The following DOK6 variants were observed in gnomAD, a reference collection of about 807,000 sequenced individuals.
DOK6 encodes docking protein 6.
DOK6 carries 22 observed loss-of-function variants against 44.0 expected under a neutral mutation model. That is an observed-to-expected ratio of 0.50 (90% CI 0.36 to 0.71). The LOEUF is 0.71. DOK6 is among the 30% of genes least tolerant of loss of function. DOK6 has a pLI of 0.00. For synonymous variants in DOK6, 166 were observed against 145.5 expected (o/e 1.14, Z -1.01); for missense variants, 340 against 416.4 (o/e 0.82, Z 1.60).
chr18:69,460,508 T>G (rs1599141876), intron 1 of DOK6, among the ~76,000 whole-genome samples: 2 of 152,214 alleles, frequency 1.3e-5, no homozygotes, highest in East Asian at 3.8e-4. Flanking sequence ...AACTGTTAGA[T>G]GAACTCAATC....
At chr18:69,753,653 G>T (rs1979257893) in intron 6 of DOK6, among the ~76,000 whole-genome samples, 1 of 152,204 alleles carries the variant, frequency 6.6e-6, no homozygotes, top group African/African-American at 2.4e-5. Context: ...AGTATATCAA[G>T]AACTGAATCA....
At chr18:69,529,361 T>C (rs192273696) in intron 1 of DOK6, among the ~76,000 whole-genome samples, 47 of 152,332 alleles carry the variant, frequency 3.1e-4, no homozygotes, top group Admixed American at 2.7e-3. Context: ...GTCAGCACTA[T>C]TTTATGTCTT....
At chr18:69,659,313 C>T (rs1985449228) in intron 3 of DOK6, among the ~76,000 whole-genome samples, 1 of 152,114 alleles carries the variant, frequency 6.6e-6, no homozygotes. Context: ...ACGTGTGCCT[C>T]CAAATGGTTC....
At chr18:69,414,271 A>C (rs941731280) in intron 1 of DOK6, among the ~76,000 whole-genome samples, 3 of 152,094 alleles carry the variant, frequency 2.0e-5, no homozygotes, top group Non-Finnish European at 4.4e-5. Context: ...TCTCACATAC[A>C]AACCTATTCA....
At chr18:69,712,455 A>G (rs373236524) in intron 5 of DOK6, among the ~76,000 whole-genome samples, 2 of 152,156 alleles carry the variant, frequency 1.3e-5, no homozygotes, top group East Asian at 3.8e-4. Flanking sequence ...TAAAATAGGA[A>G]AATACTAATT....
At chr18:69,493,705 C>A (rs1166770561) in intron 1 of DOK6, among the ~76,000 whole-genome samples, 1 of 151,980 alleles carries the variant, frequency 6.6e-6, no homozygotes, top group Non-Finnish European at 1.5e-5. Context: ...TTTGATATCT[C>A]CTAAATTGGT....
chr18:69,784,537 A>C (rs1980375294), intron 7 of DOK6, among the ~76,000 whole-genome samples: 1 of 151,898 alleles, frequency 6.6e-6, no homozygotes, highest in Non-Finnish European at 1.5e-5. Context: ...TTATTATTGC[A>C]AGTAAAATTG....
At chr18:69,647,945 G>C (rs947109988) in intron 3 of DOK6, among the ~76,000 whole-genome samples, 2 of 152,110 alleles carry the variant, frequency 1.3e-5, no homozygotes, top group Non-Finnish European at 2.9e-5. Flanking sequence ...TGCCCAGGGA[G>C]AGCCAGAATG....
intron 7 of DOK6, among the ~76,000 whole-genome samples, chr18:69,774,793 A>T (rs1327020216): frequency 6.6e-6 from 1 of 152,060 alleles, no homozygotes; most frequent in Non-Finnish European, 1.5e-5. Flanking sequence ...AATGGGGATG[A>T]GGTAAATATA....
At chr18:69,838,137 A>G (rs971015655) in intron 7 of DOK6, among the ~76,000 whole-genome samples, 1 of 151,864 alleles carries the variant, frequency 6.6e-6, no homozygotes, top group African/African-American at 2.4e-5. Flanking sequence ...TTCTTTTTTT[A>G]TATTTTTTTA....
chr18:69,625,565 C>T (rs1241313849), intron 3 of DOK6, among the ~76,000 whole-genome samples: 2 of 152,154 alleles, frequency 1.3e-5, no homozygotes, highest in Non-Finnish European at 1.5e-5. Flanking sequence ...ATGCTCACAT[C>T]GTAAGGTTCA....
chr18:69,697,911 T>A (rs1222669311), intron 4 of DOK6, among the ~76,000 whole-genome samples: 1 of 152,228 alleles, frequency 6.6e-6, no homozygotes, highest in Non-Finnish European at 1.5e-5. Context: ...AACTAAATGA[T>A]TTTTCCAGTG....
chr18:69,568,425 C>T (rs1485884358), intron 2 of DOK6, among the ~76,000 whole-genome samples: 1 of 152,148 alleles, frequency 6.6e-6, no homozygotes, highest in African/African-American at 2.4e-5. Context: ...CAAAGAAGTC[C>T]CTGGGTCTCT....
chr18:69,654,452 G>A (rs1985311547), intron 3 of DOK6, among the ~76,000 whole-genome samples: 1 of 152,172 alleles, frequency 6.6e-6, no homozygotes, highest in Admixed American at 6.5e-5. Flanking sequence ...GAGTCGGCAT[G>A]AAGTTAGGGC....
At chr18:69,638,143 C>G (rs1984852773) in intron 3 of DOK6, among the ~76,000 whole-genome samples, 1 of 152,190 alleles carries the variant, frequency 6.6e-6, no homozygotes, top group Admixed American at 6.5e-5. Flanking sequence ...GCATGTGTGT[C>G]ATAAAGTCTC....
At chr18:69,760,927 C>G (rs377633451) in intron 7 of DOK6, among the ~76,000 whole-genome samples, 3,921 of 67,494 alleles carry the variant, frequency 0.058, 189 homozygotes, top group Middle Eastern at 0.11. Flanking sequence ...TCCCGGGGGC[C>G]GGTTGTGACC....
Position 69,485,136 on chromosome 18 carries a change from C to T in DOK6, c.67-79351C>T, listed in dbSNP as rs140889894. Among the ~76,000 whole-genome samples, 20 of 152,232 alleles carry T rather than the reference C, an allele frequency of 1.3e-4. No individual in the cohort carries two copies. In the East Asian group the frequency reaches 1.9e-3, roughly 15 times the overall value. On this transcript the variant is annotated intron_variant, in intron 1 of 7. Coordinates refer to ENST00000382713, the MANE Select transcript of DOK6 (RefSeq NM_152721.6). ...GTCTCTTCACAGTAGATCGTTTGCA[C>T]ATCCCTTTGGGATTTGGTTTGGGAT...
At chr18:69,836,232 G>A (rs1982050330) in intron 7 of DOK6, among the ~76,000 whole-genome samples, 4 of 152,148 alleles carry the variant, frequency 2.6e-5, no homozygotes, top group Admixed American at 6.5e-5. Flanking sequence ...CAGCAGGGAA[G>A]CTTCTTTTTA....
intron 2 of DOK6, among the ~76,000 whole-genome samples, chr18:69,564,960 T>G (rs1366695789): frequency 6.6e-6 from 1 of 152,194 alleles, no homozygotes; most frequent in African/African-American, 2.4e-5. Flanking sequence ...GGGGCTGCCT[T>G]TAACAGTGCT....
Sources: gnomAD v4.1 joint callset for allele counts (sites outside exome capture counted in the v4.1 genomes callset) on GRCh38, gnomAD v4.1.1 for gene constraint, MANE v1.5 for transcripts, NCBI Gene and HGNC (gene_info 2026-07-23, HGNC 2026-07-21) for gene names.